Variants in SAP130 observed in about 807,000 individuals in gnomAD.
The protein encoded by SAP130 is histone deacetylase complex subunit SAP130.
Under a neutral mutation model 103.2 loss-of-function variants are expected in SAP130, and 16 were observed. That is an observed-to-expected ratio of 0.16 (90% CI 0.10 to 0.24). The LOEUF is 0.24. SAP130 is among the 10% of genes least tolerant of loss of function. SAP130 has a pLI of 1.00. For synonymous variants in SAP130, 477 were observed against 497.0 expected (o/e 0.96, Z 0.53); for missense variants, 990 against 1,359.7 (o/e 0.73, Z 4.28).
chr2:128,000,683 A>C (rs1474696092), intron 7 of SAP130, among the ~76,000 whole-genome samples: 2 of 152,188 alleles, frequency 1.3e-5, no homozygotes, highest in African/African-American at 4.8e-5. Context: ...TGTTCTCAGA[A>C]TCCTTGATGT....
chr2:127,948,452 G>A (rs1245711435), intron 18 of SAP130, among the ~76,000 whole-genome samples: 1 of 148,578 alleles, frequency 6.7e-6, no homozygotes, highest in Non-Finnish European at 1.5e-5. Context: ...AGATTCTCCT[G>A]CCTCAGCCTC....
chr2:127,996,442 T>C lies in SAP130; in HGVS notation c.1263A>G (p.Pro421=), dbSNP rs1683181000. The C allele has an allele frequency of 1.9e-6, 3 of 1,606,604 alleles. No individual in the cohort carries two copies. Among genetic ancestry groups the C allele is most frequent in the South Asian group, 1.1e-5 (1 of 89,934 alleles). The change falls in exon 11 of 21, where the codon CCA becomes CCG. Residue 421 remains proline (P), a synonymous_variant. Transcript: ENST00000643581. The surrounding 1 kb of genome is among the most constrained non-coding windows in gnomAD (Gnocchi z 4.3). ...GGCTACTCCTCTCGGCAGGGTAGTCTGGCTGGATCCGAGGAGAAGTGTGCG... is the reference window on the plus strand; with the variant it reads ...GGCTACTCCTCTCGGCAGGGTAGTCCGGCTGGATCCGAGGAGAAGTGTGCG... ...QITHTSPRIQ[P]DYPAERSSLI...
chr2:127,972,614 C>T (rs2104884940), intron 15 of SAP130, among the ~76,000 whole-genome samples: 1 of 152,218 alleles, frequency 6.6e-6, no homozygotes, highest in South Asian at 2.1e-4. Context: ...AAAAATTAGC[C>T]AGGTGTGATG....
In SAP130 at chr2:128,026,253, T is replaced by C. The variant is rs754610186; in HGVS notation, c.40A>G (p.Thr14Ala). Residue 14 changes from threonine (T) to alanine (A), a missense_variant, in exon 2 of 21, where the codon ACC becomes GCC. Transcript: ENST00000643581. ...QQFPRLGAPS[T>A]GLSQAPSQIA... ...TGAGAAGGGGCCTGGCTCAGCCCGG[T>C]AGAAGGGGCTCCTAACCGAGGAAAC... The C allele has an allele frequency of 5.0e-6, 8 of 1,614,008 alleles. No individual in the cohort carries two copies. Among genetic ancestry groups the C allele is most frequent in the Non-Finnish European group, 6.8e-6 (8 of 1,180,012 alleles).
At chr2:127,961,607 T>C (rs1453861655) in intron 15 of SAP130, among the ~76,000 whole-genome samples, 1 of 151,444 alleles carries the variant, frequency 6.6e-6, no homozygotes, top group Non-Finnish European at 1.5e-5. Flanking sequence ...GAGTAGAGTA[T>C]AAAGACCAAT....
intron 2 of SAP130, among the ~76,000 whole-genome samples, chr2:128,020,254 T>C (rs1486002509): frequency 1.3e-5 from 2 of 152,176 alleles, no homozygotes; most frequent in Non-Finnish European, 2.9e-5. Context: ...CCTGAGTAAA[T>C]AGCACCCAGC....
At chr2:128,027,136 C>A in intron 1 of SAP130, 1 of 1,389,858 alleles carries the variant, frequency 7.2e-7, no homozygotes, top group South Asian at 1.7e-5. Flanking sequence ...TCTATCTCGC[C>A]GGCCTGGGGG....
chr2:127,981,642 C>T (rs1371642340), intron 14 of SAP130, among the ~76,000 whole-genome samples: 16 of 85,578 alleles, frequency 1.9e-4, no homozygotes, highest in African/African-American at 7.2e-4. Flanking sequence ...TCCTGCACCC[C>T]CGACTCAGCT....
intron 16 of SAP130, among the ~76,000 whole-genome samples, 181 bp from the exon 17 acceptor site, chr2:127,950,589 T>C (rs1053095000): frequency 3.3e-5 from 5 of 152,240 alleles, no homozygotes; most frequent in African/African-American, 1.2e-4. Context: ...TCCTCCCTTA[T>C]AGCCCATATC....
intron 7 of SAP130, among the ~76,000 whole-genome samples, chr2:128,000,733 T>C (rs981230448): frequency 2.0e-5 from 3 of 152,056 alleles, no homozygotes; most frequent in Admixed American, 2.0e-4. Context: ...GTTAATATCA[T>C]TATAATAATT....
At chr2:128,025,566 T>G (rs556521912) in intron 2 of SAP130, among the ~76,000 whole-genome samples, 1 of 152,240 alleles carries the variant, frequency 6.6e-6, no homozygotes, top group Admixed American at 6.5e-5. Context: ...ACATACAGAC[T>G]TTTTTCTCTT....
At chr2:127,990,628 T>G (rs1422330792) in intron 12 of SAP130, among the ~76,000 whole-genome samples, 1 of 152,196 alleles carries the variant, frequency 6.6e-6, no homozygotes, top group Non-Finnish European at 1.5e-5. Flanking sequence ...AACTTTAAAT[T>G]TGCCAGTGGC....
At chr2:127,963,879 G>T (rs970477303) in intron 15 of SAP130, among the ~76,000 whole-genome samples, 9 of 152,140 alleles carry the variant, frequency 5.9e-5, no homozygotes, top group African/African-American at 1.9e-4. Flanking sequence ...TTTATGCATG[G>T]TTTTTTCTAT....
chr2:127,971,980 C>T (rs1681124106), intron 15 of SAP130, among the ~76,000 whole-genome samples: 3 of 152,096 alleles, frequency 2.0e-5, no homozygotes. Flanking sequence ...CTAAAACAGC[C>T]ATTTATATGA....
chr2:127,988,428 TTAAAAAAAAA>T (rs1682552161), intron 13 of SAP130, among the ~76,000 whole-genome samples: 1 of 111,672 alleles, frequency 9.0e-6, no homozygotes, highest in African/African-American at 3.1e-5. Flanking sequence ...CCTTGTCTTT[TTAAAAAAAAA>T]AAAAAAAAAA....
rs1415094071 is a variant in SAP130, at chr2:127,942,560, T to A, written c.2902-23A>T. On this transcript the variant is annotated intron_variant, in intron 19 of 20. Coordinates refer to ENST00000643581, the MANE Select transcript of SAP130 (RefSeq NM_001330301.2). This position sits in a 1 kb window ranked among gnomAD's most constrained non-coding sequence, Gnocchi z 4.8. ...CGTCTGCAACACACAAAAGGGAGGG[T>A]ATCATAAGCTCGGAAATATTTTTCT... 7.2e-7 allele frequency: 1 copy of A among 1,387,170 alleles called. No homozygotes were observed. The highest frequency in any genetic ancestry group is 1.0e-6 in the Non-Finnish European group (1 of 974,322). The allele number at this position is 1,387,170 out of a possible 1,614,324, so 85.9% of individuals were successfully genotyped here. A position where few individuals can be genotyped will look rare whatever the true frequency, so the allele number is the denominator to read the frequency against.
At chr2:128,007,165 A>C (rs1277603735) in intron 7 of SAP130, among the ~76,000 whole-genome samples, 1 of 152,256 alleles carries the variant, frequency 6.6e-6, no homozygotes, top group African/African-American at 2.4e-5. Flanking sequence ...CATAGGTGCC[A>C]CATCTATGGA....
intron 7 of SAP130, among the ~76,000 whole-genome samples, chr2:128,003,883 C>G (rs1227276850): frequency 6.7e-6 from 1 of 148,334 alleles, no homozygotes; most frequent in East Asian, 2.0e-4. Context: ...CATGGCAGTG[C>G]TCAGTTTCAG....
chr2:128,013,035 T>C lies in SAP130; in HGVS notation c.739A>G (p.Ile247Val). 1.2e-6 allele frequency: 2 copies of C among 1,608,506 alleles called. No individual in the cohort carries two copies. Among genetic ancestry groups the C allele is most frequent in the Non-Finnish European group, 1.7e-6 (2 of 1,177,416 alleles). ...CACCCCAGGCTCCGACGTGCCTGGA[T>C]TGGTTGGTGAATGATGTGCTGTACT... ...PAVQHIIHQP[I>V]QSRPPVTTSN... Residue 247 changes from isoleucine to valine, a missense_variant, in exon 6 of 21, where the codon ATC (isoleucine) becomes GTC (valine). Transcript: ENST00000643581.
Sources: allele counts gnomAD v4.1 joint callset (sites outside exome capture counted in the v4.1 genomes callset), GRCh38; gene constraint gnomAD v4.1.1; non-coding constraint Gnocchi (gnomAD v3.1); transcripts MANE v1.5; gene names NCBI Gene and HGNC (gene_info 2026-07-23, HGNC 2026-07-21).